ZNF343: variants seen among roughly 807,000 people sequenced by gnomAD.
ZNF343 encodes zinc finger protein 343.
In ZNF343, 11 loss-of-function variants were observed where a neutral mutation model predicts 13.8. That is an observed-to-expected ratio of 0.80 (90% CI 0.50 to 1.32). The LOEUF is 1.32. ZNF343 is among the 40% of genes most tolerant of loss of function. ZNF343 has a pLI of 0.00. For synonymous variants in ZNF343, 248 were observed against 260.0 expected, an observed-to-expected ratio of 0.95 and a Z score of 0.44; for missense variants, 658 against 714.2, an observed-to-expected ratio of 0.92 and a Z score of 0.90.
upstream of ZNF343, among the ~76,000 whole-genome samples, chr20:2,513,785 A>G (rs139449505): frequency 3.0e-4 from 45 of 152,390 alleles, no homozygotes; most frequent in African/African-American, 1.0e-3. Context: ...CATACAATCA[A>G]ATAGTATTCA....
Position 2,483,066 on chromosome 20 carries a change from A to G in ZNF343, c.*95T>C, listed in dbSNP as rs868737881. 2.6e-5 allele frequency: 36 copies of G among 1,403,870 alleles called. No individual in the cohort carries two copies. In the African/African-American group the frequency reaches 4.5e-4, roughly 17 times the overall value. 87.0% of individuals were successfully genotyped at this position (1,403,870 alleles called of 1,614,324 possible). A position where few individuals can be genotyped will look rare whatever the true frequency, so the allele number is the denominator to read the frequency against. On this transcript the variant is annotated 3_prime_UTR_variant, in exon 6 of 6. Coordinates refer to ENST00000278772, the MANE Select transcript of ZNF343 (RefSeq NM_024325.6). Reference sequence around the variant, plus strand: ...AACTTCACTCACAATCTGTGTACACAGGGTCTACTCCCCATGTGTCTCTCT... The same window carrying G: ...AACTTCACTCACAATCTGTGTACACGGGGTCTACTCCCCATGTGTCTCTCT...
chr20:2,507,418 T>TA (rs2122728050), intron 1 of ZNF343, among the ~76,000 whole-genome samples: 1 of 152,308 alleles, frequency 6.6e-6, no homozygotes, highest in Admixed American at 6.5e-5. Context: ...TGCTATTACA[T>TA]ATTTATCCCT....
Position 2,483,115 on chromosome 20 carries a change from T to A in ZNF343, c.*46A>T. The A allele has an allele frequency of 6.4e-7, 1 of 1,554,336 alleles. No individual in the cohort carries two copies. Among genetic ancestry groups the A allele is most frequent in the East Asian group, 2.2e-5 (1 of 44,458 alleles). ...CTGGGGTAACATGAGGCTTGACTGGTCACTCAGGTCTTGTTCATGACCCCT... is the reference window on the plus strand; with the variant it reads ...CTGGGGTAACATGAGGCTTGACTGGACACTCAGGTCTTGTTCATGACCCCT... On this transcript the variant is annotated 3_prime_UTR_variant, in exon 6 of 6. Transcript: ENST00000278772.
intron 5 of ZNF343, among the ~76,000 whole-genome samples, chr20:2,486,179 GAGA>G (rs1244934890): frequency 6.6e-6 from 1 of 152,116 alleles, no homozygotes; most frequent in Non-Finnish European, 1.5e-5. Context: ...ATTTCAGTAG[GAGA>G]AGAAATCTCA....
At chr20:2,520,084 T>G (rs2085775942) in intron 1 of ZNF343, among the ~76,000 whole-genome samples, 1 of 152,188 alleles carries the variant, frequency 6.6e-6, no homozygotes, top group Non-Finnish European at 1.5e-5. Flanking sequence ...TTGTACATAG[T>G]TTAATCTATA....
At chr20:2,509,543 T>C (rs1231781877), upstream of ZNF343, among the ~76,000 whole-genome samples, 1 of 152,304 alleles carries the variant, frequency 6.6e-6, no homozygotes, top group East Asian at 1.9e-4. Flanking sequence ...TCTGGCTCTC[T>C]GGCCTCTTAT....
In ZNF343 at chr20:2,499,809, T is replaced by A. The variant is rs115690775; in HGVS notation, c.-150+847A>T. Among the ~76,000 whole-genome samples, 627 of 152,084 alleles carry A rather than the reference T, an allele frequency of 4.1e-3. 3 individuals carry two copies. The highest frequency in any genetic ancestry group is 0.014 in the African/African-American group (593 of 41,450). ...ATCAACAGGTAAAGAGAAAAGGGAG[T>A]GGGAGAATTGGCCTTGCTGAATTCC... On this transcript the variant is annotated intron_variant, in intron 2 of 5. Coordinates refer to ENST00000278772, the MANE Select transcript of ZNF343 (RefSeq NM_024325.6).
At chr20:2,503,916 A>G (rs1035462261) in intron 1 of ZNF343, among the ~76,000 whole-genome samples, 7 of 152,196 alleles carry the variant, frequency 4.6e-5, no homozygotes, top group African/African-American at 9.7e-5. Context: ...AAGCAAGAGC[A>G]AACACATTCA....
chr20:2,518,657 C>T lies in ZNF343; in HGVS notation c.-347+5798G>A, dbSNP rs1391974215. ...ATACCACATGCTCTCAGCCCCGTGT[C>T]CACTTCCCTACACCACTTGCTTCAC... On this transcript the variant is annotated intron_variant, in intron 1 of 6. Coordinates refer to the ZNF343 transcript ENST00000358413. This position sits in a 1 kb window ranked among gnomAD's most constrained non-coding sequence, Gnocchi z 4.6. Among the ~76,000 whole-genome samples, 2 of 152,178 alleles carry T rather than the reference C, an allele frequency of 1.3e-5. No homozygotes were observed. The highest frequency in any genetic ancestry group is 6.5e-5 in the Admixed American group (1 of 15,276).
intron 1 of ZNF343, among the ~76,000 whole-genome samples, chr20:2,521,622 T>C (rs1168065946): frequency 2.6e-5 from 4 of 152,156 alleles, no homozygotes; most frequent in African/African-American, 7.2e-5. Flanking sequence ...GCAGTCAGAA[T>C]TGGGGCTCAG....
Position 2,508,337 on chromosome 20 carries a change from T to C in ZNF343, c.-237+544A>G, listed in dbSNP as rs2085700979. Reference sequence around the variant, plus strand: ...TCAAGCATCAAGGCCTGAGACGGCCTCCCCCTAACCACCCCGGTCACCACT... The same window carrying C: ...TCAAGCATCAAGGCCTGAGACGGCCCCCCCCTAACCACCCCGGTCACCACT... On this transcript the variant is annotated intron_variant, in intron 1 of 5. Transcript: ENST00000278772. This position sits in a 1 kb window ranked among gnomAD's most constrained non-coding sequence, Gnocchi z 4.5. 6.8e-6 allele frequency among the ~76,000 whole-genome samples: 1 copy of C among 146,906 alleles called. No individual in the cohort carries two copies. The highest frequency in any genetic ancestry group is 2.2e-4 in the South Asian group (1 of 4,608).
intron 2 of ZNF343, chr20:2,495,671 T>A (rs928083486): frequency 7.1e-6 from 1 of 141,728 alleles, no homozygotes; most frequent in African/African-American, 2.6e-5. Flanking sequence ...GCAGACTTTT[T>A]TTTTTCTTTT....
upstream of ZNF343, among the ~76,000 whole-genome samples, chr20:2,510,673 A>G (rs1384584794): frequency 6.6e-6 from 1 of 152,190 alleles, no homozygotes; most frequent in Non-Finnish European, 1.5e-5. Context: ...TACTGGGCAG[A>G]ATCTGTTACT....
chr20:2,485,859 C>A (rs1306615514), intron 5 of ZNF343, among the ~76,000 whole-genome samples: 1 of 152,242 alleles, frequency 6.6e-6, no homozygotes, highest in East Asian at 1.9e-4. Context: ...AGCTGCTTGT[C>A]TGGCAGCCTT....
intron 2 of ZNF343, among the ~76,000 whole-genome samples, chr20:2,496,738 A>C (rs1011429914): frequency 2.0e-5 from 3 of 152,210 alleles, no homozygotes; most frequent in Non-Finnish European, 4.4e-5. Flanking sequence ...AGATGAAAAA[A>C]AAATCAAAGA....
chr20:2,491,435 G>A (rs930451782), intron 5 of ZNF343, among the ~76,000 whole-genome samples: 2 of 152,102 alleles, frequency 1.3e-5, no homozygotes, highest in African/African-American at 4.8e-5. Context: ...ACTTACCTAT[G>A]TGGCTCACAT....
chr20:2,510,796 G>A (rs1314124191), upstream of ZNF343, among the ~76,000 whole-genome samples: 2 of 152,200 alleles, frequency 1.3e-5, no homozygotes, highest in African/African-American at 2.4e-5. Context: ...CCAAGAAGAT[G>A]GGAGATCAGT....
chr20:2,519,838 A>G (rs1329328888), intron 1 of ZNF343, among the ~76,000 whole-genome samples: 2 of 152,220 alleles, frequency 1.3e-5, no homozygotes, highest in Non-Finnish European at 2.9e-5. Context: ...CATATATTTA[A>G]TTGAATTCAC....
chr20:2,498,392 G>A (rs2085497190), intron 2 of ZNF343, among the ~76,000 whole-genome samples: 1 of 152,196 alleles, frequency 6.6e-6, no homozygotes, highest in African/African-American at 2.4e-5. Flanking sequence ...CTGAAGAAGA[G>A]GCTGAGGGCA....
Sources: allele counts gnomAD v4.1 joint callset (sites outside exome capture counted in the v4.1 genomes callset), GRCh38; gene constraint gnomAD v4.1.1; non-coding constraint Gnocchi (gnomAD v3.1); transcripts MANE v1.5; gene names NCBI Gene and HGNC (gene_info 2026-07-23, HGNC 2026-07-21).